Variants in IFFO1 observed in about 807,000 individuals in gnomAD.
IFFO1 encodes the protein non-homologous end joining factor IFFO1.
IFFO1 carries 42 observed loss-of-function variants against 59.6 expected under a neutral mutation model. The ratio of observed to expected loss-of-function variants is 0.70; its 90% confidence interval spans 0.55 to 0.91. The LOEUF is 0.91. Among genes scored for constraint, IFFO1 ranks in the 40% least tolerant of loss-of-function variants. The pLI, the probability that IFFO1 is intolerant of heterozygous loss-of-function variation, is 0.00. For synonymous variants in IFFO1, 336 were observed against 342.8 expected (o/e 0.98, Z 0.22); for missense variants, 711 against 793.2 (o/e 0.90, Z 1.24).
At chr12:6,547,790 G>A (rs1947036210) in intron 8 of IFFO1, among the ~76,000 whole-genome samples, 1 of 151,622 alleles carries the variant, frequency 6.6e-6, no homozygotes, top group Non-Finnish European at 1.5e-5. Context: ...GAAAGGAAAG[G>A]AAAGGAAAGG....
At chr12:6,551,646 G>A (rs968052547) in intron 1 of IFFO1, 32 of 438,038 alleles carry the variant, frequency 7.3e-5, no homozygotes, top group Non-Finnish European at 2.7e-5. Context: ...TGGCTCAGAG[G>A]CCGGAAGTCC....
rs777920330 is a variant in IFFO1, at chr12:6,555,646, G to A, written c.384C>T (p.Thr128=). Reference sequence around the variant, plus strand: ...GGGGCCGGATGGGGCTGACGAAGCCGGTCTGCACTGCCTGGTCGCGACGAC... The same window carrying A: ...GGGGCCGGATGGGGCTGACGAAGCCAGTCTGCACTGCCTGGTCGCGACGAC... The part of the protein sequence containing the change: ...GLGRRDQAVQ[T]GFVSPIRPLG... The change falls in exon 1 of 10, where the codon ACC becomes ACT. Residue 128 remains threonine (T), a synonymous_variant. Coordinates refer to ENST00000619571, the MANE Select transcript of IFFO1 (RefSeq NM_001193457.2). The surrounding 1 kb of genome is among the most constrained non-coding windows in gnomAD (Gnocchi z 8.6). 8.8e-6 allele frequency: 14 copies of A among 1,584,910 alleles called. No homozygotes were observed. Among genetic ancestry groups the A allele is most frequent in the Non-Finnish European group, 1.1e-5 (13 of 1,168,476 alleles).
chr12:6,554,085 A>G (rs576959139), intron 1 of IFFO1, among the ~76,000 whole-genome samples: 19 of 97,046 alleles, frequency 2.0e-4, no homozygotes, highest in African/African-American at 5.2e-4. Context: ...CATTTATGGG[A>G]AAAAAAAAAA....
chr12:6,539,322 C>T (rs1429830285), downstream of IFFO1: 4 of 152,264 alleles, frequency 2.6e-5, no homozygotes, highest in African/African-American at 7.2e-5. Context: ...CTTCATGGCA[C>T]ATGCCTATAG....
At position 6,548,940 on chromosome 12, in the gene IFFO1, T is replaced by C. The variant is rs1947104826; in HGVS notation, c.1081-91A>G. 2.0e-6 allele frequency: 2 copies of C among 1,009,446 alleles called. No homozygotes were observed. Among genetic ancestry groups the C allele is most frequent in the Non-Finnish European group, 2.9e-6 (2 of 694,632 alleles). The allele number at this position is 1,009,446 out of a possible 1,614,324, so 62.5% of individuals were successfully genotyped here. A position where few individuals can be genotyped will look rare whatever the true frequency, so the allele number is the denominator to read the frequency against. The stretch of plus-strand genomic sequence containing the variant: ...GGAATGGGGGAGAAGCATGAACCAG[T>C]AGGAAGGGGGGGCAGACAGAGAGAA... On this transcript the variant is annotated intron_variant, in intron 5 of 9. Transcript: ENST00000619571. The surrounding 1 kb of genome is among the most constrained non-coding windows in gnomAD (Gnocchi z 6.1).
chr12:6,554,363 C>G (rs1947351526), intron 1 of IFFO1, among the ~76,000 whole-genome samples: 1 of 152,220 alleles, frequency 6.6e-6, no homozygotes, highest in African/African-American at 2.4e-5. Flanking sequence ...AAGACACTAC[C>G]TCTGCTCTCA....
In IFFO1 at chr12:6,548,322, A is replaced by G; in HGVS notation, c.1383+103T>C. 1.4e-6 allele frequency: 2 copies of G among 1,419,656 alleles called. No homozygotes were observed. The highest frequency in any genetic ancestry group is 2.0e-6 in the Non-Finnish European group (2 of 1,024,030). 87.9% of individuals were successfully genotyped at this position (1,419,656 alleles called of 1,614,324 possible). A position where few individuals can be genotyped will look rare whatever the true frequency, so the allele number is the denominator to read the frequency against. On this transcript the variant is annotated intron_variant, in intron 7 of 9. Transcript: ENST00000619571. This position sits in a 1 kb window ranked among gnomAD's most constrained non-coding sequence, Gnocchi z 6.1. ...GGAAGAGGGGAGACGCAGGTAGAGGATGACAGCCACATGGGGGGACAGAGC... is the reference window on the plus strand; with the variant it reads ...GGAAGAGGGGAGACGCAGGTAGAGGGTGACAGCCACATGGGGGGACAGAGC...
In IFFO1 at chr12:6,550,700, T is replaced by C. The variant is rs1266163234; in HGVS notation, c.925A>G (p.Ser309Gly). The change falls in exon 3 of 10, where the codon AGT becomes GGT. Residue 309 changes from serine (S) to glycine (G), a missense_variant. Around this residue, in one of 3 missense-constraint regions of IFFO1, gnomAD observed 579 missense variants for 650.3 expected, o/e 0.89. Coordinates refer to ENST00000619571, the MANE Select transcript of IFFO1 (RefSeq NM_001193457.2). ...AELVVFKGLM[S>G]NNLSELDTKI... The stretch of plus-strand genomic sequence containing the variant: ...AAGCCTGGGGCTGCACTCACGTTAC[T>C]CATGAGCCCCTTGAAGACCACCAGC... The C allele has an allele frequency of 6.2e-7, 1 of 1,613,442 alleles. No individual in the cohort carries two copies. The highest frequency in any genetic ancestry group is 8.5e-7 in the Non-Finnish European group (1 of 1,179,326).
chr12:6,550,661 C>T lies in IFFO1; in HGVS notation c.930+34G>A, dbSNP rs754175858. On this transcript the variant is annotated intron_variant, in intron 3 of 9. Coordinates refer to ENST00000619571, the MANE Select transcript of IFFO1 (RefSeq NM_001193457.2). ...TACTCTTCTGGCCTCAGAAGCCTCA[C>T]TTCGACCCTCGGGAAGCCTGGGGCT... The T allele has an allele frequency of 8.9e-6, 14 of 1,574,402 alleles. 1 individual carries two copies. In the Middle Eastern group the frequency reaches 5.0e-4, roughly 56 times the overall value.
intron 1 of IFFO1, chr12:6,551,784 T>A (rs1947250658): frequency 3.1e-6 from 1 of 320,514 alleles, no homozygotes. Context: ...ACACAGCCTG[T>A]TCCAGGGCCC....
At position 6,548,984 on chromosome 12, in the gene IFFO1, CAGGA is replaced by C. The variant is rs1947108470; in HGVS notation, c.1081-139_1081-136del. The C allele has an allele frequency of 2.7e-6, 2 of 749,468 alleles. No homozygotes were observed. The highest frequency in any genetic ancestry group is 4.3e-6 in the Non-Finnish European group (2 of 464,320). 46.4% of individuals were successfully genotyped at this position (749,468 alleles called of 1,614,324 possible). A position where few individuals can be genotyped will look rare whatever the true frequency, so the allele number is the denominator to read the frequency against. The stretch of plus-strand genomic sequence containing the variant: ...GAGAGAAAAGTCACAGTTACAATGA[CAGGA>C]ACAGAAACACGGACAGTCACCAAGG... On this transcript the variant is annotated intron_variant, in intron 5 of 9. Coordinates refer to ENST00000619571, the MANE Select transcript of IFFO1 (RefSeq NM_001193457.2). This position sits in a 1 kb window ranked among gnomAD's most constrained non-coding sequence, Gnocchi z 6.1.
Position 6,555,731 on chromosome 12 carries a change from A to T in IFFO1, c.299T>A (p.Leu100Gln). The change falls in exon 1 of 10, where the codon CTG becomes CAG. Residue 100 changes from leucine to glutamine, a missense_variant. Leu to Gln is a moderately radical substitution (Grantham distance 113). Transcript: ENST00000619571. This position sits in a 1 kb window ranked among gnomAD's most constrained non-coding sequence, Gnocchi z 8.6. ...CGCTTGCTGCAGTTGCTTCTCCAAC[A>T]GCCGGTTCCGGCGCTCCAGCTCATG... ...KVHELERRNRLLEKQLQQALE... is the reference protein window; with the variant it reads ...KVHELERRNRQLEKQLQQALE... The T allele has an allele frequency of 6.2e-7, 1 of 1,612,732 alleles. No homozygotes were observed. The highest frequency in any genetic ancestry group is 8.5e-7 in the Non-Finnish European group (1 of 1,179,360).
intron 1 of IFFO1, among the ~76,000 whole-genome samples, chr12:6,553,925 T>A (rs1011122070): frequency 2.0e-5 from 3 of 152,238 alleles, no homozygotes; most frequent in Non-Finnish European, 4.4e-5. Context: ...GGATCACTAG[T>A]GCAGGAGAAC....
chr12:6,540,894 G>C (rs1946679279), intron 9 of IFFO1, among the ~76,000 whole-genome samples: 1 of 152,128 alleles, frequency 6.6e-6, no homozygotes, highest in Non-Finnish European at 1.5e-5. Flanking sequence ...TTCAAGGCAA[G>C]CCTGGCCAAC....
chr12:6,549,108 G>A lies in IFFO1; in HGVS notation c.1081-259C>T, dbSNP rs913268336. ...CAGTCAGACAAGGAAGGAAGGGCTC[G>A]CTGGGGCTGCAGTCAGATGTGCATG... On this transcript the variant is annotated intron_variant, in intron 5 of 9. Coordinates refer to ENST00000619571, the MANE Select transcript of IFFO1 (RefSeq NM_001193457.2). This position sits in a 1 kb window ranked among gnomAD's most constrained non-coding sequence, Gnocchi z 5.0. 5.3e-5 allele frequency: 30 copies of A among 562,970 alleles called. No homozygotes were observed. Among genetic ancestry groups the A allele is most frequent in the East Asian group, 8.9e-5 (3 of 33,836 alleles). The allele number at this position is 562,970 out of a possible 1,614,324, so 34.9% of individuals were successfully genotyped here.
chr12:6,545,523 A>G lies in IFFO1; in HGVS notation c.1479+2542T>C, dbSNP rs367723466. Among the ~76,000 whole-genome samples the G allele has an allele frequency of 2.1e-3, 315 of 151,768 alleles. 1 individual carries two copies. Among genetic ancestry groups the G allele is most frequent in the African/African-American group, 6.8e-3 (281 of 41,354 alleles). ...ATCCTGGCTAACACGGTGAAACCCC[A>G]TCTCTACTAAAAAATACAAAAGAAA... On this transcript the variant is annotated intron_variant, in intron 8 of 9. Transcript: ENST00000619571.
At chr12:6,551,041 A>C (rs989006159) in intron 1 of IFFO1, 40 bp from the exon 2 acceptor site, 1 of 1,601,324 alleles carries the variant, frequency 6.2e-7, no homozygotes, top group African/African-American at 1.3e-5. Flanking sequence ...TTAGGTACAG[A>C]GTCCTTCCCT....
intron 1 of IFFO1, among the ~76,000 whole-genome samples, chr12:6,554,902 C>T (rs375719556): frequency 6.6e-6 from 1 of 152,222 alleles, no homozygotes; most frequent in Admixed American, 6.5e-5. Context: ...TTGCCTCCTA[C>T]TTTTGAAGTT....
chr12:6,542,444 G>A (rs1946760411), intron 8 of IFFO1, among the ~76,000 whole-genome samples: 1 of 152,194 alleles, frequency 6.6e-6, no homozygotes, highest in South Asian at 2.1e-4. Context: ...TTTGTTTTGG[G>A]TACAAAGGGC....
Sources: allele counts gnomAD v4.1 joint callset (sites outside exome capture counted in the v4.1 genomes callset), GRCh38; gene constraint gnomAD v4.1.1; regional missense constraint gnomAD v4.1.1; non-coding constraint Gnocchi (gnomAD v3.1); transcripts MANE v1.5; gene names NCBI Gene and HGNC (gene_info 2026-07-23, HGNC 2026-07-21).